The following WWC2 variants were observed in gnomAD, a reference collection of about 807,000 sequenced individuals.
WWC2 encodes WW and C2 domain containing 2, also known as protein WWC2.
A neutral mutation model predicts 138.5 loss-of-function variants in WWC2; 101 were observed. The observed-to-expected ratio is 0.73, with a 90% confidence interval of 0.62 to 0.86. The LOEUF is 0.86. WWC2 is among the 40% of genes least tolerant of loss of function. The pLI is 0.00. For missense variants in WWC2, 1,420 were observed against 1,419.4 expected (o/e 1.00, Z -0.01); for synonymous variants, 558 against 538.4 (o/e 1.04, Z -0.50).
At chr4:183,180,052 A>T (rs1043978846) in intron 1 of WWC2, among the ~76,000 whole-genome samples, 1 of 152,228 alleles carries the variant, frequency 6.6e-6, no homozygotes, top group African/African-American at 2.4e-5. Context: ...TGTTTGAATT[A>T]ATTTTTAAGG....
chr4:183,282,809 G>A lies in WWC2; in HGVS notation c.2786G>A (p.Cys929Tyr). 6.3e-7 allele frequency: 1 copy of A among 1,587,760 alleles called. No homozygotes were observed. Among genetic ancestry groups the A allele is most frequent in the Non-Finnish European group, 8.6e-7 (1 of 1,166,480 alleles). Reference protein sequence around the residue: ...DSSCTEDLSSCTSVPEMNEDG... With the variant: ...DSSCTEDLSSYTSVPEMNEDG... ...AGCTGTACAGAAGATTTAAGTTCATGCACTAGTGTGCCTGAGATGAATGAA... is the reference window on the plus strand; with the variant it reads ...AGCTGTACAGAAGATTTAAGTTCATACACTAGTGTGCCTGAGATGAATGAA... The change falls in exon 18 of 23, where the codon TGC becomes TAC. Residue 929 changes from cysteine to tyrosine, a missense_variant. By Grantham distance (194) the Cys-to-Tyr change is radical. Transcript: ENST00000403733.
chr4:183,268,199 G>A (rs542437071), intron 14 of WWC2, among the ~76,000 whole-genome samples: 20 of 152,314 alleles, frequency 1.3e-4, no homozygotes, highest in Non-Finnish European at 2.5e-4. Flanking sequence ...CTGGAAATGG[G>A]GGTGGAGGGG....
At chr4:183,194,656 TGTGTAG>T (rs1481652090) in intron 2 of WWC2, among the ~76,000 whole-genome samples, 8 of 152,132 alleles carry the variant, frequency 5.3e-5, no homozygotes, top group Non-Finnish European at 7.3e-5. Flanking sequence ...CAGCTGCCCT[TGTGTAG>T]GTAGATGATG....
Position 183,100,238 on chromosome 4 carries a change from C to T in WWC2, c.131+616C>T, listed in dbSNP as rs573887328. 5.9e-5 allele frequency among the ~76,000 whole-genome samples: 9 copies of T among 152,378 alleles called. No homozygotes were observed. The East Asian group carries it at 1.7e-3, about 29-fold the overall frequency. On this transcript the variant is annotated intron_variant, in intron 1 of 22. Coordinates refer to ENST00000403733, the MANE Select transcript of WWC2 (RefSeq NM_024949.6). ...TTCGCTGTCTGTCGTTAGTCTTCAC[C>T]TGAAAACTTGAACCGACTCCCAGAT...
intron 1 of WWC2, among the ~76,000 whole-genome samples, chr4:183,179,530 G>A (rs1734562483): frequency 6.6e-6 from 1 of 151,952 alleles, no homozygotes; most frequent in Non-Finnish European, 1.5e-5. Flanking sequence ...GTTGTAAATA[G>A]GGCTGTGTTC....
chr4:183,251,289 C>G (rs1297519095), intron 8 of WWC2, among the ~76,000 whole-genome samples: 1 of 152,174 alleles, frequency 6.6e-6, no homozygotes, highest in Non-Finnish European at 1.5e-5. Flanking sequence ...TGCCTGTGGT[C>G]CCCTTGTTGT....
chr4:183,131,950 C>T (rs2111073149), intron 1 of WWC2, among the ~76,000 whole-genome samples: 1 of 152,288 alleles, frequency 6.6e-6, no homozygotes, highest in Non-Finnish European at 1.5e-5. Flanking sequence ...CACTGAGCAG[C>T]TATGATGCCT....
chr4:183,246,394 A>G (rs925403796), intron 6 of WWC2, among the ~76,000 whole-genome samples: 4 of 152,258 alleles, frequency 2.6e-5, no homozygotes, highest in African/African-American at 7.2e-5. Context: ...TAGAACATCT[A>G]CATTTAAATA....
chr4:183,150,940 G>T (rs1294315021), intron 1 of WWC2, among the ~76,000 whole-genome samples: 13 of 152,202 alleles, frequency 8.5e-5, no homozygotes, highest in Non-Finnish European at 5.9e-5. Flanking sequence ...GTCTATCATT[G>T]ATGGACATTT....
At chr4:183,231,777 C>T (rs1196714662) in intron 4 of WWC2, among the ~76,000 whole-genome samples, 1 of 152,088 alleles carries the variant, frequency 6.6e-6, no homozygotes, top group Non-Finnish European at 1.5e-5. Context: ...CCTGCCTCAG[C>T]CTCCCGAGTA....
At chr4:183,190,128 G>T (rs1734949879) in intron 1 of WWC2, among the ~76,000 whole-genome samples, 1 of 152,098 alleles carries the variant, frequency 6.6e-6, no homozygotes, top group African/African-American at 2.4e-5. Context: ...CTGGAATTCA[G>T]CATTAAGACT....
At chr4:183,118,016 T>C (rs1209366556) in intron 1 of WWC2, among the ~76,000 whole-genome samples, 1 of 152,060 alleles carries the variant, frequency 6.6e-6, no homozygotes, top group Non-Finnish European at 1.5e-5. Flanking sequence ...GCCAGGCTGG[T>C]CTTGAACTGC....
At chr4:183,168,103 A>G (rs1450872931) in intron 1 of WWC2, among the ~76,000 whole-genome samples, 2 of 150,912 alleles carry the variant, frequency 1.3e-5, no homozygotes, top group African/African-American at 4.9e-5. Context: ...TGATCTGTCC[A>G]CCTTGGTCCC....
chr4:183,176,346 A>G (rs1734466929), intron 1 of WWC2, among the ~76,000 whole-genome samples: 1 of 152,046 alleles, frequency 6.6e-6, no homozygotes, highest in South Asian at 2.1e-4. Flanking sequence ...CCAGCCCCGG[A>G]GCTTAAAAAA....
intron 1 of WWC2, among the ~76,000 whole-genome samples, chr4:183,112,171 A>G (rs1000160670): frequency 6.6e-6 from 1 of 152,208 alleles, no homozygotes; most frequent in African/African-American, 2.4e-5. Context: ...CTACAAAACT[A>G]ACTTGATTGT....
At chr4:183,299,439 C>T (rs1351528571) in intron 21 of WWC2, among the ~76,000 whole-genome samples, 1 of 152,188 alleles carries the variant, frequency 6.6e-6, no homozygotes, top group East Asian at 1.9e-4. Context: ...ATTTATCCTG[C>T]TTTCAAAATG....
intron 10 of WWC2, among the ~76,000 whole-genome samples, chr4:183,260,506 T>C (rs1443669298): frequency 6.6e-6 from 1 of 152,260 alleles, no homozygotes; most frequent in Non-Finnish European, 1.5e-5. Context: ...GTATTTTTAC[T>C]GTGCTTTTTC....
chr4:183,287,733 G>A (rs780672252), intron 20 of WWC2, among the ~76,000 whole-genome samples: 12 of 152,312 alleles, frequency 7.9e-5, no homozygotes, highest in South Asian at 4.1e-4. Flanking sequence ...AGAACAAAGC[G>A]CCAAGTGTGT....
At position 183,271,162 on chromosome 4, in the gene WWC2, A is replaced by G. The variant is rs374843724; in HGVS notation, c.2483A>G (p.Gln828Arg). The stretch of plus-strand genomic sequence containing the variant: ...TGGTATAACTTGCTTCCTTCCAAGC[A>G]AATGCCTTGCAAAAAGAATGAAGAA... The part of the protein sequence containing the change: ...TLWYNLLPSK[Q>R]MPCKKNEENE... Residue 828 changes from glutamine to arginine, a missense_variant, in exon 16 of 23, where the codon CAA (glutamine) becomes CGA (arginine). By Grantham distance (43) the Gln-to-Arg change is conservative. Transcript: ENST00000403733. 8.1e-6 allele frequency: 13 copies of G among 1,613,114 alleles called. No homozygotes were observed. The highest frequency in any genetic ancestry group is 1.1e-5 in the Non-Finnish European group (13 of 1,179,564).
Sources: allele counts gnomAD v4.1 joint callset (sites outside exome capture counted in the v4.1 genomes callset), GRCh38; gene constraint gnomAD v4.1.1; transcripts MANE v1.5; gene names NCBI Gene and HGNC (gene_info 2026-07-23, HGNC 2026-07-21).